Variants in HDAC8 observed in about 807,000 individuals in gnomAD.
HDAC8 encodes the protein histone deacetylase 8.
A neutral mutation model predicts 32.2 loss-of-function variants in HDAC8; 1 was observed. The observed-to-expected ratio is 0.03, with a 90% CI of 0.01 to 0.15. The LOEUF is 0.15. HDAC8 is among the 10% of genes least tolerant of loss of function. The pLI is 1.00. For missense variants in HDAC8, 117 were observed against 300.0 expected (o/e 0.39, Z 4.51); for synonymous variants, 108 against 113.9 (o/e 0.95, Z 0.33).
intron 4 of HDAC8, among the ~76,000 whole-genome samples, chrX:72,560,573 A>G (rs1274848183): frequency 1.9e-5 from 2 of 105,280 alleles, no homozygotes; most frequent in Non-Finnish European, 3.9e-5. Flanking sequence ...ACTAAAAAAA[A>G]AAAAAAAAAA....
At chrX:72,482,608 G>C (rs1342415467) in intron 7 of HDAC8, among the ~76,000 whole-genome samples, 1 of 110,883 alleles carries the variant, frequency 9.0e-6, no homozygotes. Flanking sequence ...ATTTTGGGGG[G>C]GGGGATTTTC....
intron 9 of HDAC8, among the ~76,000 whole-genome samples, chrX:72,456,085 AAAC>A (rs1376922369): frequency 8.9e-6 from 1 of 112,143 alleles, no homozygotes; most frequent in Non-Finnish European, 1.9e-5. Context: ...ATTTTTAAAA[AAAC>A]AACATCTCAA....
intron 9 of HDAC8, among the ~76,000 whole-genome samples, chrX:72,388,375 C>G (rs1289765061): frequency 9.1e-6 from 1 of 109,917 alleles, no homozygotes; most frequent in Non-Finnish European, 1.9e-5. Flanking sequence ...TCAGTGTTCC[C>G]TTTATTAATC....
intron 9 of HDAC8, among the ~76,000 whole-genome samples, chrX:72,377,770 C>T (rs906870476): frequency 6.3e-5 from 7 of 111,371 alleles, no homozygotes; most frequent in African/African-American, 3.3e-5. Flanking sequence ...TGACCAATCT[C>T]TAATTTTTAA....
rs183795365 is a variant in HDAC8 at position 72,555,253 on chromosome X, C to T, written c.437+12636G>A. On this transcript the variant is annotated intron_variant, in intron 4 of 10. Coordinates refer to ENST00000373573, the MANE Select transcript of HDAC8 (RefSeq NM_018486.3). ...TGGGACAAAAGAGTCTGAACAGCAG[C>T]GCTTGAATCCCAGATCTTCCCTCAG... Among the ~76,000 whole-genome samples the T allele has an allele frequency of 8.6e-3, 967 of 111,933 alleles. 7 individuals carry two copies. Among genetic ancestry groups the T allele is most frequent in the Admixed American group, 0.015 (159 of 10,605 alleles).
intron 4 of HDAC8, among the ~76,000 whole-genome samples, chrX:72,517,417 C>A (rs1218935441): frequency 1.8e-5 from 2 of 111,572 alleles, no homozygotes; most frequent in Non-Finnish European, 3.8e-5. Flanking sequence ...TTCTTTGAAG[C>A]CCAAAAGCTT....
intron 9 of HDAC8, among the ~76,000 whole-genome samples, chrX:72,384,789 C>T (rs1158624137): frequency 8.9e-6 from 1 of 112,096 alleles, no homozygotes; most frequent in African/African-American, 3.2e-5. Flanking sequence ...TACCCAGTTC[C>T]CTTACCAGTG....
At chrX:72,541,752 G>A (rs2050715826) in intron 4 of HDAC8, among the ~76,000 whole-genome samples, 1 of 111,278 alleles carries the variant, frequency 9.0e-6, no homozygotes, top group East Asian at 2.8e-4. Flanking sequence ...AGGTGTGAAC[G>A]AAAGGAGTCA....
intron 10 of HDAC8, among the ~76,000 whole-genome samples, chrX:72,341,066 G>C (rs1461127865): frequency 9.0e-6 from 1 of 111,638 alleles, no homozygotes; most frequent in African/African-American, 3.3e-5. Flanking sequence ...GTTCTGTGGT[G>C]GTCTCATGAT....
chrX:72,445,689 T>C (rs187894331), intron 9 of HDAC8, among the ~76,000 whole-genome samples: 2,710 of 111,895 alleles, frequency 0.024, 74 homozygotes, highest in African/African-American at 0.084. Flanking sequence ...AAATGGGATC[T>C]AATTAAACTA....
intron 4 of HDAC8, 103 bp from the exon 5 acceptor site, chrX:72,495,371 C>T: frequency 2.3e-6 from 1 of 437,707 alleles, no homozygotes; most frequent in Non-Finnish European, 3.8e-6. Flanking sequence ...TAAAGTTCCC[C>T]CTTCTTTTAA....
In HDAC8 at chrX:72,532,492, T is replaced by A. The variant is rs1289280715; in HGVS notation, c.437+35397A>T. ...TAGTGTCTTTTTTTTTTTTTTTTTT[T>A]AAATTAGAGACAGGATCTTGCTCTG... On this transcript the variant is annotated intron_variant, in intron 4 of 10. Coordinates refer to ENST00000373573, the MANE Select transcript of HDAC8 (RefSeq NM_018486.3). Among the ~76,000 whole-genome samples, 348 of 103,243 alleles carry A rather than the reference T, an allele frequency of 3.4e-3. 1 individual carries two copies. Among genetic ancestry groups the A allele is most frequent in the Middle Eastern group, 9.6e-3 (2 of 208 alleles). 89.7% of individuals were successfully genotyped at this position (103,243 alleles called of 115,157 possible).
chrX:72,455,412 C>A (rs781867992), intron 9 of HDAC8, among the ~76,000 whole-genome samples: 24 of 111,609 alleles, frequency 2.2e-4, no homozygotes, highest in Non-Finnish European at 3.6e-4. Context: ...ACGTAAGGTG[C>A]TTCTGGTATA....
chrX:72,497,536 G>A (rs184053404), intron 4 of HDAC8, among the ~76,000 whole-genome samples: 1 of 111,781 alleles, frequency 8.9e-6, no homozygotes, highest in Non-Finnish European at 1.9e-5. Context: ...AACCAGCCAT[G>A]TCTTTTCTGA....
intron 4 of HDAC8, among the ~76,000 whole-genome samples, chrX:72,517,431 G>A (rs2147353845): frequency 9.0e-6 from 1 of 111,384 alleles, no homozygotes; most frequent in African/African-American, 3.3e-5. Flanking sequence ...AAAGCTTTTA[G>A]TTTTGATGGT....
intron 10 of HDAC8, among the ~76,000 whole-genome samples, chrX:72,336,815 T>C (rs907618317): frequency 9.9e-5 from 11 of 110,937 alleles, no homozygotes; most frequent in African/African-American, 3.3e-4. Context: ...AGTAGTGTGA[T>C]CACAGCTCAC....
At chrX:72,386,730 A>G (rs1555961530) in intron 9 of HDAC8, among the ~76,000 whole-genome samples, 1 of 111,711 alleles carries the variant, frequency 9.0e-6, no homozygotes, top group African/African-American at 3.3e-5. Context: ...TCCTTGCCTC[A>G]CACAGCTAGT....
chrX:72,525,418 T>C (rs990819677), intron 4 of HDAC8, among the ~76,000 whole-genome samples: 1 of 111,013 alleles, frequency 9.0e-6, no homozygotes, highest in East Asian at 2.8e-4. Context: ...ACCTTCATCA[T>C]TTGTACCCAG....
chrX:72,436,097 C>A (rs1555979126), intron 9 of HDAC8, among the ~76,000 whole-genome samples: 1 of 109,336 alleles, frequency 9.1e-6, no homozygotes, highest in Non-Finnish European at 1.9e-5. Context: ...AAGAAAAGAT[C>A]AAACATATTT....
Sources: allele counts gnomAD v4.1 joint callset (sites outside exome capture counted in the v4.1 genomes callset), GRCh38; gene constraint gnomAD v4.1.1; transcripts MANE v1.5; gene names NCBI Gene and HGNC (gene_info 2026-07-23, HGNC 2026-07-21).